TMEM132E: variants seen among roughly 807,000 people sequenced by gnomAD.
TMEM132E encodes transmembrane protein 132E.
In TMEM132E, 49 loss-of-function variants were observed where a neutral mutation model predicts 78.5. That is an observed-to-expected ratio of 0.62 (90% CI 0.50 to 0.79). The LOEUF is 0.79. Among genes scored for constraint, TMEM132E ranks in the 30% least tolerant of loss-of-function variants. The pLI, the probability that TMEM132E is intolerant of heterozygous loss-of-function variation, is 0.00. For synonymous variants in TMEM132E, 715 were observed against 670.6 expected, an observed-to-expected ratio of 1.07 and a Z score of -1.02; for missense variants, 1,403 against 1,470.9, an observed-to-expected ratio of 0.95 and a Z score of 0.75.
At chr17:34,616,432 A>G (rs1337259896) in intron 1 of TMEM132E, among the ~76,000 whole-genome samples, 3 of 152,140 alleles carry the variant, frequency 2.0e-5, no homozygotes, top group African/African-American at 7.2e-5. Flanking sequence ...CCTCCCACCC[A>G]CCCACTGAGG....
At chr17:34,603,425 G>A (rs1221139875) in intron 1 of TMEM132E, among the ~76,000 whole-genome samples, 2 of 152,146 alleles carry the variant, frequency 1.3e-5, no homozygotes, top group Non-Finnish European at 2.9e-5. Context: ...CTGTATAGTC[G>A]TGTTCCACAG....
rs1037836587 is a variant in TMEM132E at position 34,634,741 on chromosome 17, T to C, written c.1689-58T>C. The C allele has an allele frequency of 3.9e-6, 6 of 1,540,274 alleles. No individual in the cohort carries two copies. In the African/African-American group the frequency reaches 4.1e-5, roughly 10 times the overall value. ...CAACAGGGCAAGGGTGCGGGGTGTGTACTGTGCAGGTCAGAGTCCAGGTGA... is the reference window on the plus strand; with the variant it reads ...CAACAGGGCAAGGGTGCGGGGTGTGCACTGTGCAGGTCAGAGTCCAGGTGA... On this transcript the variant is annotated intron_variant, in intron 6 of 8. Coordinates refer to ENST00000631683, the MANE Select transcript of TMEM132E (RefSeq NM_001304438.2).
chr17:34,636,229 A>C, intron 8 of TMEM132E, 31 bp downstream of exon 8: 1 of 1,423,570 alleles, frequency 7.0e-7, no homozygotes, highest in Non-Finnish European at 9.2e-7. Context: ...CCAGCCAGGG[A>C]GTTGGTGGTA....
At position 34,586,359 on chromosome 17, in the gene TMEM132E, GA is replaced by G. The variant is rs911895004; in HGVS notation, c.67+5220del. ...CCTTCTCTGTCTTCTTAAATGAAAA[GA>G]AAAGTAGGCCTTCTTATCACCAATT... On this transcript the variant is annotated intron_variant, in intron 1 of 8. Coordinates refer to ENST00000631683, the MANE Select transcript of TMEM132E (RefSeq NM_001304438.2). Among the ~76,000 whole-genome samples the G allele has an allele frequency of 7.8e-4, 118 of 150,862 alleles. 1 individual carries two copies. Among genetic ancestry groups the G allele is most frequent in the African/African-American group, 2.6e-3 (109 of 41,342 alleles).
chr17:34,592,915 T>A (rs531663835), intron 1 of TMEM132E, among the ~76,000 whole-genome samples: 57 of 152,300 alleles, frequency 3.7e-4, no homozygotes, highest in Non-Finnish European at 6.8e-4. Flanking sequence ...AAACCCTTCC[T>A]CCCAGTGGAA....
In TMEM132E at chr17:34,635,089, T is replaced by C. The variant is rs1907478598; in HGVS notation, c.1977+2T>C. ...GAGCCAGGCACCACCCCCTTTAAGG[T>C]AGGTATGGGCTCTGTCCCAGCACAA... On this transcript the variant is annotated splice_donor_variant, in intron 7 of 8. Transcript: ENST00000631683. LOFTEE classifies it high-confidence loss of function. The C allele has an allele frequency of 6.2e-7, 1 of 1,609,046 alleles. No homozygotes were observed. The highest frequency in any genetic ancestry group is 8.5e-7 in the Non-Finnish European group (1 of 1,177,546).
intron 1 of TMEM132E, among the ~76,000 whole-genome samples, chr17:34,616,396 A>G (rs9902302): frequency 0.72 from 109,218 of 152,136 alleles, 39,450 homozygotes; most frequent in East Asian, 0.89. Context: ...GGGGGCTGCT[A>G]GCTGCTGGTG....
intron 1 of TMEM132E, among the ~76,000 whole-genome samples, chr17:34,612,350 C>G (rs77595557): frequency 0.026 from 3,901 of 152,232 alleles, 192 homozygotes; most frequent in East Asian, 0.18. Context: ...GGCAGGTGCC[C>G]AGAGGGGCTT....
At chr17:34,633,222 G>A (rs1241775228) in intron 6 of TMEM132E, among the ~76,000 whole-genome samples, 1 of 152,262 alleles carries the variant, frequency 6.6e-6, no homozygotes, top group Non-Finnish European at 1.5e-5. Flanking sequence ...GGCACAAGGA[G>A]AGAACCCCCT....
chr17:34,599,218 G>A (rs1449009339), intron 1 of TMEM132E, among the ~76,000 whole-genome samples: 2 of 152,230 alleles, frequency 1.3e-5, no homozygotes, highest in African/African-American at 4.8e-5. Flanking sequence ...CCCACAGCAA[G>A]AGGGTATGTG....
chr17:34,606,948 G>A lies in TMEM132E; in HGVS notation c.68-19179G>A, dbSNP rs944440698. ...CTTCCACACAGCAGGCAGCAGCTCC[G>A]AAGAATGGCAACCTCCCAGAATCTC... On this transcript the variant is annotated intron_variant, in intron 1 of 8. Coordinates refer to ENST00000631683, the MANE Select transcript of TMEM132E (RefSeq NM_001304438.2). Among the ~76,000 whole-genome samples, 4 of 152,118 alleles carry A rather than the reference G, an allele frequency of 2.6e-5. No individual in the cohort carries two copies. In the South Asian group the frequency reaches 6.2e-4, roughly 24 times the overall value.
chr17:34,611,266 G>T (rs1224183733), intron 1 of TMEM132E, among the ~76,000 whole-genome samples: 1 of 152,218 alleles, frequency 6.6e-6, no homozygotes, highest in Non-Finnish European at 1.5e-5. Flanking sequence ...GCAGGCAGGG[G>T]TGGGACAAAG....
In TMEM132E at chr17:34,586,098, A is replaced by G. The variant is rs968452684; in HGVS notation, c.67+4955A>G. 2.0e-5 allele frequency among the ~76,000 whole-genome samples: 3 copies of G among 151,698 alleles called. No homozygotes were observed. The East Asian group carries it at 5.8e-4, about 29-fold the overall frequency. On this transcript the variant is annotated intron_variant, in intron 1 of 8. Transcript: ENST00000631683. Reference sequence around the variant, plus strand: ...GAAGAAGCCCCTTCTTACCTCCCTCATCTTTCTCTGTCAGAGCACACGCCT... The same window carrying G: ...GAAGAAGCCCCTTCTTACCTCCCTCGTCTTTCTCTGTCAGAGCACACGCCT...
chr17:34,629,974 C>T, intron 4 of TMEM132E, 34 bp from the exon 5 acceptor site: 1 of 1,576,608 alleles, frequency 6.3e-7, no homozygotes. Context: ...AGAAGGGGAC[C>T]ACAAGTAGAG....
Position 34,597,545 on chromosome 17 carries a change from C to A in TMEM132E, c.67+16402C>A, listed in dbSNP as rs562028265. Among the ~76,000 whole-genome samples the A allele has an allele frequency of 1.1e-3, 171 of 152,224 alleles. 1 individual carries two copies. Among genetic ancestry groups the A allele is most frequent in the Non-Finnish European group, 1.6e-3 (107 of 68,004 alleles). On this transcript the variant is annotated intron_variant, in intron 1 of 8. Coordinates refer to ENST00000631683, the MANE Select transcript of TMEM132E (RefSeq NM_001304438.2). The stretch of plus-strand genomic sequence containing the variant: ...CTGGATATGTGTCCTTCTGCAGATG[C>A]GGTCCCTTTGAGGAGGTCCTGTGGC...
At chr17:34,591,934 C>T (rs150721851) in intron 1 of TMEM132E, among the ~76,000 whole-genome samples, 1 of 152,174 alleles carries the variant, frequency 6.6e-6, no homozygotes, top group Admixed American at 6.5e-5. Flanking sequence ...GAATGAGATC[C>T]CACGGTGTGT....
At chr17:34,630,234 C>CTGACTCTT in intron 5 of TMEM132E, 83 bp downstream of exon 5, 1 of 1,444,902 alleles carries the variant, frequency 6.9e-7, no homozygotes, top group Non-Finnish European at 9.5e-7. Context: ...GTCCAGGTGG[C>CTGACTCTT]TGACTCTTAC....
intron 8 of TMEM132E, among the ~76,000 whole-genome samples, chr17:34,636,941 A>G (rs1186530867): frequency 6.6e-6 from 1 of 152,214 alleles, no homozygotes. Flanking sequence ...TCAGAGCAGT[A>G]TGAGGCCTGG....
intron 1 of TMEM132E, among the ~76,000 whole-genome samples, chr17:34,620,664 G>A (rs778342919): frequency 1.3e-5 from 2 of 152,250 alleles, no homozygotes; most frequent in African/African-American, 4.8e-5. Context: ...GATCACATGC[G>A]TTTCACTCAT....
Sources: allele counts gnomAD v4.1 joint callset (sites outside exome capture counted in the v4.1 genomes callset), GRCh38; gene constraint gnomAD v4.1.1; transcripts MANE v1.5; gene names NCBI Gene and HGNC (gene_info 2026-07-23, HGNC 2026-07-21).